SIPA1L3: variants seen among roughly 807,000 people sequenced by gnomAD.
SIPA1L3 encodes the protein signal induced proliferation associated 1 like 3.
In SIPA1L3, 59 loss-of-function variants were observed where a neutral mutation model predicts 150.1. That is an observed-to-expected ratio of 0.39 (90% CI 0.32 to 0.49). The LOEUF is 0.49. Among genes scored for constraint, SIPA1L3 ranks in the 20% least tolerant of loss-of-function variants. The pLI is 0.86. For missense variants in SIPA1L3, 2,211 were observed against 2,489.5 expected (o/e 0.89, Z 2.38); for synonymous variants, 1,070 against 1,077.6 (o/e 0.99, Z 0.14).
intron 12 of SIPA1L3, among the ~76,000 whole-genome samples, chr19:38,147,177 T>G (rs1198973028): frequency 1.3e-5 from 2 of 152,128 alleles, no homozygotes; most frequent in East Asian, 3.8e-4. Context: ...TTCTCATGCC[T>G]CAACCTCCCA....
chr19:38,175,934 G>T (rs60811178), intron 15 of SIPA1L3, among the ~76,000 whole-genome samples: 1 of 151,998 alleles, frequency 6.6e-6, no homozygotes, highest in Non-Finnish European at 1.5e-5. Context: ...CAGGCTGGGC[G>T]CTGTGGCTCA....
chr19:38,030,623 A>AATATATATATAT (rs757828313), intron 2 of SIPA1L3, among the ~76,000 whole-genome samples: 5 of 42,628 alleles, frequency 1.2e-4, no homozygotes, highest in Admixed American at 3.5e-4. Context: ...ATATGTGGCA[A>AATATATATATAT]ATATATATAT....
At position 37,955,316 on chromosome 19, in the gene SIPA1L3, A is replaced by G. The variant is rs983384781; in HGVS notation, c.-379+47958A>G. On this transcript the variant is annotated intron_variant, in intron 1 of 21. Coordinates refer to ENST00000222345, the MANE Select transcript of SIPA1L3 (RefSeq NM_015073.3). ...TGAGGCAGGAGAATCGCTTGAACCT[A>G]GGAGGCGGAGGTTGCCGTGAGCCAA... Among the ~76,000 whole-genome samples, 55 of 151,510 alleles carry G rather than the reference A, an allele frequency of 3.6e-4. 1 individual carries two copies. The highest frequency in any genetic ancestry group is 1.0e-4 in the Non-Finnish European group (7 of 67,882).
chr19:37,988,083 C>G (rs1967407007), intron 1 of SIPA1L3, among the ~76,000 whole-genome samples: 1 of 152,210 alleles, frequency 6.6e-6, no homozygotes, highest in Non-Finnish European at 1.5e-5. Context: ...GCAGCAGTCT[C>G]TCATTATCCT....
intron 6 of SIPA1L3, chr19:38,106,221 CT>C (rs1331020721): frequency 2.0e-5 from 6 of 303,152 alleles, no homozygotes; most frequent in Admixed American, 1.5e-4. Flanking sequence ...ATTCTCCTGC[CT>C]CAGCCTCCCG....
At chr19:37,932,860 G>A (rs907797807) in intron 1 of SIPA1L3, among the ~76,000 whole-genome samples, 38 of 152,096 alleles carry the variant, frequency 2.5e-4, no homozygotes, top group African/African-American at 9.2e-4. Flanking sequence ...AGTGGGCCGG[G>A]TGTTGACGGA....
intron 13 of SIPA1L3, 101 bp downstream of exon 13, chr19:38,153,068 G>T: frequency 7.1e-7 from 1 of 1,416,026 alleles, no homozygotes; most frequent in Non-Finnish European, 9.4e-7. Context: ...GTGAGTGACG[G>T]ATAAAACACA....
chr19:37,983,481 A>T (rs1482876188), intron 1 of SIPA1L3, among the ~76,000 whole-genome samples: 1 of 152,154 alleles, frequency 6.6e-6, no homozygotes, highest in Admixed American at 6.5e-5. Flanking sequence ...AGCTGCTCCT[A>T]GGCACCGTGC....
chr19:38,143,298 C>A (rs1468593363), intron 12 of SIPA1L3, among the ~76,000 whole-genome samples: 3 of 152,176 alleles, frequency 2.0e-5, no homozygotes, highest in South Asian at 4.1e-4. Context: ...GCCCCCAGGT[C>A]CCTGTCTCAG....
At chr19:38,128,102 T>C (rs1217128569) in intron 9 of SIPA1L3, among the ~76,000 whole-genome samples, 1 of 133,998 alleles carries the variant, frequency 7.5e-6, no homozygotes, top group Non-Finnish European at 1.5e-5. Flanking sequence ...TCGCCCAGGC[T>C]GGAGTGCAGT....
intron 2 of SIPA1L3, among the ~76,000 whole-genome samples, chr19:38,054,978 G>A (rs964492851): frequency 1.3e-5 from 2 of 152,212 alleles, no homozygotes; most frequent in African/African-American, 4.8e-5. Flanking sequence ...AGAGAAGCAC[G>A]TTGGAACCAA....
intron 10 of SIPA1L3, among the ~76,000 whole-genome samples, chr19:38,137,106 C>T (rs1290858477): frequency 2.0e-5 from 3 of 152,166 alleles, no homozygotes; most frequent in African/African-American, 4.8e-5. Context: ...TAGGTGATAA[C>T]GGGGCTAGAA....
chr19:38,114,540 C>T (rs918704277), intron 8 of SIPA1L3, among the ~76,000 whole-genome samples: 2 of 152,200 alleles, frequency 1.3e-5, no homozygotes, highest in Admixed American at 6.5e-5. Flanking sequence ...CATCCATCCC[C>T]CTGCCTGGGG....
At chr19:38,109,910 A>C in intron 7 of SIPA1L3, 1 of 291,984 alleles carries the variant, frequency 3.4e-6, no homozygotes, top group Non-Finnish European at 6.6e-6. Flanking sequence ...CCTCCCTGGG[A>C]GGGTGAGGTT....
chr19:38,158,036 T>G (rs1971988965), intron 13 of SIPA1L3, among the ~76,000 whole-genome samples: 1 of 151,446 alleles, frequency 6.6e-6, no homozygotes, highest in South Asian at 2.1e-4. Context: ...AGGTCAGGAG[T>G]TCGAGAGCAG....
At chr19:37,920,320 G>A (rs201300216) in intron 1 of SIPA1L3, among the ~76,000 whole-genome samples, 1 of 152,070 alleles carries the variant, frequency 6.6e-6, no homozygotes, top group East Asian at 1.9e-4. Context: ...TCCTCCCAAA[G>A]TGTTGAGATT....
At chr19:38,108,192 G>C (rs529162605) in intron 7 of SIPA1L3, among the ~76,000 whole-genome samples, 1 of 152,134 alleles carries the variant, frequency 6.6e-6, no homozygotes, top group African/African-American at 2.4e-5. Context: ...CAACCGGAGC[G>C]TGACAGGGCC....
intron 1 of SIPA1L3, among the ~76,000 whole-genome samples, chr19:38,006,660 C>A (rs1967946710): frequency 6.6e-6 from 1 of 152,150 alleles, no homozygotes; most frequent in Non-Finnish European, 1.5e-5. Flanking sequence ...ATGCTGTGGG[C>A]AGTGGTGCGG....
chr19:38,078,456 ACACACACACACACAGG>A (rs1969898651), intron 2 of SIPA1L3, among the ~76,000 whole-genome samples: 1 of 150,840 alleles, frequency 6.6e-6, no homozygotes, highest in Admixed American at 6.6e-5. Flanking sequence ...ACACACACAC[ACACACACACACACAGG>A]CACACAGACA....
Sources: gnomAD v4.1 joint callset for allele counts (sites outside exome capture counted in the v4.1 genomes callset) on GRCh38, gnomAD v4.1.1 for gene constraint, MANE v1.5 for transcripts, NCBI Gene and HGNC (gene_info 2026-07-23, HGNC 2026-07-21) for gene names.